IFNAR1: variants seen among roughly 807,000 people sequenced by gnomAD.
IFNAR1 encodes the protein interferon alpha/beta receptor 1.
A neutral mutation model predicts 62.1 loss-of-function variants in IFNAR1; 47 were observed. The observed-to-expected ratio is 0.76, with a 90% CI of 0.60 to 0.97. The LOEUF (loss-of-function observed/expected upper bound fraction) is 0.97, where lower values mean the gene tolerates loss of function less well. Among genes scored for constraint, IFNAR1 ranks in the 50% least tolerant of loss-of-function variants. The pLI, the probability that IFNAR1 is intolerant of heterozygous loss-of-function variation, is 0.00. For synonymous variants in IFNAR1, 219 were observed against 226.9 expected (o/e 0.97, Z 0.31); for missense variants, 638 against 654.5 (o/e 0.97, Z 0.27).
At chr21:33,346,589 A>G (rs1411355649) in intron 6 of IFNAR1, among the ~76,000 whole-genome samples, 2 of 152,206 alleles carry the variant, frequency 1.3e-5, no homozygotes, top group Non-Finnish European at 2.9e-5. Context: ...GCTGATCTCT[A>G]AGCTTCTTTT....
Position 33,357,351 on chromosome 21 carries a change from G to A in IFNAR1, c.*1802G>A, listed in dbSNP as rs1437877364. On this transcript the variant is annotated 3_prime_UTR_variant, in exon 11 of 11. Transcript: ENST00000270139. ...CTGTGATGCTCGGCACATCCTGCCTGGCACATACACGTGTCTGCAGGCCAC... is the reference window on the plus strand; with the variant it reads ...CTGTGATGCTCGGCACATCCTGCCTAGCACATACACGTGTCTGCAGGCCAC... 2 of 152,158 alleles carry A rather than the reference G, an allele frequency of 1.3e-5. No individual in the cohort carries two copies. Among genetic ancestry groups the A allele is most frequent in the East Asian group, 3.8e-4 (2 of 5,196 alleles). The allele number at this position is 152,158 out of a possible 1,614,324, so 9.4% of individuals were successfully genotyped here. A position where few individuals can be genotyped will look rare whatever the true frequency, so the allele number is the denominator to read the frequency against.
At chr21:33,326,436 C>T (rs4408796) in intron 1 of IFNAR1, among the ~76,000 whole-genome samples, 1 of 152,014 alleles carries the variant, frequency 6.6e-6, no homozygotes, top group African/African-American at 2.4e-5. Flanking sequence ...AACTCCTGAC[C>T]TCAAACAATC....
At chr21:33,353,590 G>T in intron 9 of IFNAR1, 48 bp from the exon 10 acceptor site, 2 of 1,101,406 alleles carry the variant, frequency 1.8e-6, no homozygotes, top group Non-Finnish European at 2.6e-6. Context: ...CACTGTTAAG[G>T]CATTTGTATG....
rs764725315 is a variant in IFNAR1, at chr21:33,355,389, T to C, written c.1514T>C (p.Ile505Thr). 2 of 1,603,850 alleles carry C rather than the reference T, an allele frequency of 1.2e-6. No individual in the cohort carries two copies. The highest frequency in any genetic ancestry group is 1.1e-5 in the South Asian group (1 of 88,982). The change falls in exon 11 of 11, where the codon ATT becomes ACT. Residue 505 changes from isoleucine (I) to threonine (T), a missense_variant. By Grantham distance (89) the Ile-to-Thr change is moderately conservative. Coordinates refer to ENST00000270139, the MANE Select transcript of IFNAR1 (RefSeq NM_000629.3). ...SEEQIEKCFI[I>T]ENISTIATVE... is the part of the protein sequence containing the mutation. Reference sequence around the variant, plus strand: ...GAACAAATCGAAAAATGTTTCATAATTGAAAATATAAGCACAATTGCTACA... The same window carrying C: ...GAACAAATCGAAAAATGTTTCATAACTGAAAATATAAGCACAATTGCTACA...
intron 1 of IFNAR1, 148 bp from the exon 2 acceptor site, chr21:33,335,376 G>A (rs2083223505): frequency 2.1e-6 from 1 of 468,466 alleles, no homozygotes; most frequent in East Asian, 3.4e-5. Flanking sequence ...TGTGCTGGGA[G>A]CAATCATTAG....
At chr21:33,341,490 G>C (rs1271039555) in intron 3 of IFNAR1, among the ~76,000 whole-genome samples, 1 of 152,140 alleles carries the variant, frequency 6.6e-6, no homozygotes, top group Non-Finnish European at 1.5e-5. Flanking sequence ...TCCAGAGGAG[G>C]CTGTTTGATG....
At chr21:33,333,646 C>T (rs1367537800) in intron 1 of IFNAR1, among the ~76,000 whole-genome samples, 7 of 105,204 alleles carry the variant, frequency 6.7e-5, no homozygotes, top group African/African-American at 1.9e-4. Context: ...TTTTTTGAGA[C>T]GGAGTCTCGC....
chr21:33,353,157 G>A (rs1223677369), intron 9 of IFNAR1, among the ~76,000 whole-genome samples: 1 of 152,132 alleles, frequency 6.6e-6, no homozygotes, highest in Admixed American at 6.6e-5. Flanking sequence ...TTTCCTTAAT[G>A]TATTTCTCTT....
chr21:33,342,003 A>G (rs1330658573), intron 3 of IFNAR1, among the ~76,000 whole-genome samples: 2 of 152,198 alleles, frequency 1.3e-5, no homozygotes, highest in African/African-American at 4.8e-5. Flanking sequence ...TTAATGGATT[A>G]ATTAGTTAAA....
At chr21:33,338,409 C>CT (rs2083262886) in intron 2 of IFNAR1, among the ~76,000 whole-genome samples, 1 of 8,384 alleles carries the variant, frequency 1.2e-4, no homozygotes, top group Non-Finnish European at 1.9e-4. Flanking sequence ...GTGGTGCGTG[C>CT]TGTAATCCCA....
chr21:33,351,261 A>G (rs1356110791), intron 8 of IFNAR1, among the ~76,000 whole-genome samples: 1 of 152,202 alleles, frequency 6.6e-6, no homozygotes, highest in Admixed American at 6.5e-5. Flanking sequence ...CAGACCGTAG[A>G]TGCTGGAGCC....
At position 33,352,807 on chromosome 21, in the gene IFNAR1, C is replaced by A; in HGVS notation, c.1193C>A (p.Pro398Gln). The part of the protein sequence containing the change: ...KTDVTVPNLK[P>Q]LTVYCVKARA... ...GATGTTACAGTTCCTAATTTGAAAC[C>A]ACTGACTGTATATTGTGTGAAAGCC... The change falls in exon 9 of 11, where the codon CCA becomes CAA. Residue 398 changes from proline to glutamine, a missense_variant. Coordinates refer to ENST00000270139, the MANE Select transcript of IFNAR1 (RefSeq NM_000629.3). 3 of 1,571,780 alleles carry A rather than the reference C, an allele frequency of 1.9e-6. No homozygotes were observed. The highest frequency in any genetic ancestry group is 1.2e-5 in the South Asian group (1 of 85,864).
At chr21:33,325,344 G>T (rs2123646306) in intron 1 of IFNAR1, among the ~76,000 whole-genome samples, 1 of 152,362 alleles carries the variant, frequency 6.6e-6, no homozygotes, top group East Asian at 1.9e-4. Context: ...GCCTGTGGCC[G>T]TGTACGGGTC....
intron 8 of IFNAR1, among the ~76,000 whole-genome samples, chr21:33,352,339 T>G (rs868055946): frequency 6.6e-6 from 1 of 152,022 alleles, no homozygotes; most frequent in African/African-American, 2.4e-5. Context: ...CTCACACATA[T>G]ACTCTGTAAT....
intron 6 of IFNAR1, among the ~76,000 whole-genome samples, 180 bp downstream of exon 6, chr21:33,345,540 CAT>C (rs969723818): frequency 6.6e-6 from 1 of 152,166 alleles, no homozygotes; most frequent in African/African-American, 2.4e-5. Context: ...AACTGGATGA[CAT>C]TGAGCTAATC....
At chr21:33,326,391 G>A (rs931267035) in intron 1 of IFNAR1, among the ~76,000 whole-genome samples, 5 of 152,068 alleles carry the variant, frequency 3.3e-5, no homozygotes, top group South Asian at 2.1e-4. Context: ...TTCTAGTAGA[G>A]ATGGGGTTTT....
chr21:33,342,015 T>C (rs1443790094), intron 3 of IFNAR1, among the ~76,000 whole-genome samples: 6 of 152,182 alleles, frequency 3.9e-5, no homozygotes, highest in African/African-American at 1.4e-4. Flanking sequence ...TTAGTTAAAA[T>C]GGATTGAAAA....
intron 1 of IFNAR1, chr21:33,334,693 C>A: frequency 1.2e-6 from 1 of 845,496 alleles, no homozygotes; most frequent in Non-Finnish European, 2.0e-6. Context: ...AGCATCCAGT[C>A]AGCTGCCACC....
chr21:33,331,979 A>G (rs1294931782), intron 1 of IFNAR1, among the ~76,000 whole-genome samples: 1 of 152,196 alleles, frequency 6.6e-6, no homozygotes, highest in Non-Finnish European at 1.5e-5. Context: ...GCCCTGCCAC[A>G]GAGAGCAAAC....
Sources: allele counts gnomAD v4.1 joint callset (sites outside exome capture counted in the v4.1 genomes callset), GRCh38; gene constraint gnomAD v4.1.1; transcripts MANE v1.5; gene names NCBI Gene and HGNC (gene_info 2026-07-23, HGNC 2026-07-21).